Variants in NLRP2 observed in about 807,000 individuals in gnomAD.
NLRP2 encodes NACHT, LRR and PYD domains-containing protein 2.
A neutral mutation model predicts 97.2 loss-of-function variants in NLRP2; 107 were observed. The observed-to-expected ratio is 1.10, with a 90% CI of 0.94 to 1.29. The LOEUF (loss-of-function observed/expected upper bound fraction) is 1.29, where lower values mean the gene tolerates loss of function less well. Among genes scored for constraint, NLRP2 ranks in the 50% most tolerant of loss-of-function variants. NLRP2 has a pLI of 0.00. For synonymous variants in NLRP2, 663 were observed against 551.5 expected, an observed-to-expected ratio of 1.20 and a Z score of -2.83; for missense variants, 1,495 against 1,330.3, an observed-to-expected ratio of 1.12 and a Z score of -1.93.
At chr19:54,966,564 G>C (rs1306748607) in intron 1 of NLRP2, 97 bp downstream of exon 1, 1 of 151,760 alleles carries the variant, frequency 6.6e-6, no homozygotes, top group Non-Finnish European at 1.5e-5. Context: ...TTTTTTTTCT[G>C]AGACGGAGTC....
rs2071788054 is a variant in NLRP2, at chr19:54,983,437, A to C, written c.1739A>C (p.Asp580Ala). 6.2e-7 allele frequency: 1 copy of C among 1,614,104 alleles called. No individual in the cohort carries two copies. Among genetic ancestry groups the C allele is most frequent in the Admixed American group, 1.7e-5 (1 of 59,984 alleles). The change falls in exon 6 of 13, where the codon GAC (aspartate) becomes GCC (alanine). Residue 580 changes from aspartate (D) to alanine (A), a missense_variant. Asp to Ala is a moderately radical substitution (Grantham distance 126, BLOSUM62 -2). Coordinates refer to ENST00000448584, the MANE Select transcript of NLRP2 (RefSeq NM_017852.5). ...ACTTTTGGCTGCCGGATGTCACCGG[A>C]CATCAAACAGGAATTGCTGCGATGC... The part of the protein sequence containing the change: ...EATFGCRMSP[D>A]IKQELLRCDI...
chr19:54,990,367 C>T (rs764052964), intron 9 of NLRP2, 135 bp from the exon 10 acceptor site: 11 of 1,112,262 alleles, frequency 9.9e-6, no homozygotes, highest in Non-Finnish European at 1.4e-5. Context: ...CCTATTCCTT[C>T]ATAGGATCAC....
At chr19:54,973,968 C>A in intron 2 of NLRP2, 1 of 1,060,364 alleles carries the variant, frequency 9.4e-7, no homozygotes, top group South Asian at 1.2e-5. Context: ...CAGACTAAGC[C>A]GATTTTCCGG....
At position 55,000,469 on chromosome 19, in the gene NLRP2, A is replaced by G. The variant is rs569150596; in HGVS notation, c.3051-291A>G. Among the ~76,000 whole-genome samples the G allele has an allele frequency of 7.6e-4, 115 of 150,492 alleles. No individual in the cohort carries two copies. In the South Asian group the frequency reaches 0.013, roughly 17 times the overall value. ...TTTTTTGTATTTTTTTAGTAGAGAC[A>G]GGGTTTCACCGTGTTAGCCAGGATG... On this transcript the variant is annotated intron_variant, in intron 12 of 12. Transcript: ENST00000448584.
intron 3 of NLRP2, chr19:54,976,866 G>A: frequency 2.6e-6 from 1 of 389,150 alleles, no homozygotes; most frequent in Non-Finnish European, 4.8e-6. Context: ...CCAGGCTGAA[G>A]TGCAGTGGAG....
chr19:54,972,414 C>T (rs1602306705), intron 2 of NLRP2, among the ~76,000 whole-genome samples: 1 of 151,526 alleles, frequency 6.6e-6, no homozygotes, highest in South Asian at 2.1e-4. Flanking sequence ...AACTCCTGAC[C>T]ACGTGATCAA....
In NLRP2 at chr19:54,982,921, T is replaced by G; in HGVS notation, c.1223T>G (p.Leu408Arg). 6.2e-7 allele frequency: 1 copy of G among 1,613,052 alleles called. No homozygotes were observed. The highest frequency in any genetic ancestry group is 8.5e-7 in the Non-Finnish European group (1 of 1,180,030). ...PAVCWIVCTT[L>R]KLQMEKGEDP... ...GTGTGCTGGATCGTGTGCACGACTC[T>G]GAAGCTGCAGATGGAGAAGGGGGAG... Residue 408 changes from leucine (L) to arginine (R), a missense_variant, in exon 6 of 13, where the codon CTG (leucine) becomes CGG (arginine). By Grantham distance (102) the Leu-to-Arg change is moderately radical. Coordinates refer to ENST00000448584, the MANE Select transcript of NLRP2 (RefSeq NM_017852.5).
rs763411571 is a variant in NLRP2, at chr19:54,982,310, C to A, written c.612C>A (p.Pro204=). 2.5e-6 allele frequency: 4 copies of A among 1,614,106 alleles called. No homozygotes were observed. Among genetic ancestry groups the A allele is most frequent in the Non-Finnish European group, 3.4e-6 (4 of 1,180,026 alleles). Residue 204 remains proline (P), a synonymous_variant, in exon 6 of 13, where the codon CCC becomes CCA. Coordinates refer to ENST00000448584, the MANE Select transcript of NLRP2 (RefSeq NM_017852.5). ...PFSNPRVLPG[P]FSYTVVLYGP... ...GCAACCCCAGGGTGCTTCCCGGGCC[C>A]TTCTCATACACGGTGGTGCTGTATG...
At chr19:54,990,884 T>G in intron 10 of NLRP2, 1 of 603,706 alleles carries the variant, frequency 1.7e-6, no homozygotes, top group Non-Finnish European at 2.9e-6. Flanking sequence ...ATTTGGGGAA[T>G]GTAGCTGGTT....
At chr19:54,985,698 AG>A (rs367647173) in intron 7 of NLRP2, among the ~76,000 whole-genome samples, 21 of 142,416 alleles carry the variant, frequency 1.5e-4, no homozygotes, top group African/African-American at 4.1e-4. Context: ...AAAAAAAAAA[AG>A]AAAAAGAAAA....
chr19:54,983,797 C>T, intron 6 of NLRP2, 69 bp downstream of exon 6: 3 of 1,589,604 alleles, frequency 1.9e-6, no homozygotes, highest in African/African-American at 2.7e-5. Context: ...AGGAAGAGGC[C>T]AGAGCCTCCT....
At chr19:54,974,897 T>C (rs1054540515) in intron 3 of NLRP2, among the ~76,000 whole-genome samples, 3 of 151,962 alleles carry the variant, frequency 2.0e-5, no homozygotes, top group Non-Finnish European at 4.4e-5. Context: ...CCTCCTGGGT[T>C]CAAGCAGTTC....
At chr19:54,972,873 T>C (rs1403435639) in intron 2 of NLRP2, among the ~76,000 whole-genome samples, 1 of 152,064 alleles carries the variant, frequency 6.6e-6, no homozygotes. Context: ...TATGAGATTG[T>C]TGGGACCCCA....
At chr19:54,972,609 C>T (rs896087360) in intron 2 of NLRP2, among the ~76,000 whole-genome samples, 2 of 151,822 alleles carry the variant, frequency 1.3e-5, no homozygotes, top group Admixed American at 6.6e-5. Context: ...CACCACACCT[C>T]GCTCATTCTT....
At chr19:54,978,057 A>AGTTTTT (rs749324557) in intron 4 of NLRP2, among the ~76,000 whole-genome samples, 30 of 151,972 alleles carry the variant, frequency 2.0e-4, no homozygotes, top group Admixed American at 3.3e-4. Flanking sequence ...CAGCGCAGAG[A>AGTTTTT]GTTTTTGTTT....
rs150209982 is a variant in NLRP2 at position 54,984,433 on chromosome 19, C to T, written c.2031-614C>T. 2.6e-4 allele frequency among the ~76,000 whole-genome samples: 36 copies of T among 138,364 alleles called. 1 individual carries two copies. The highest frequency in any genetic ancestry group is 4.6e-4 in the Admixed American group (6 of 13,144). The allele number at this position is 138,364 out of a possible 152,430, so 90.8% of individuals were successfully genotyped here. On this transcript the variant is annotated intron_variant, in intron 6 of 12. Coordinates refer to ENST00000448584, the MANE Select transcript of NLRP2 (RefSeq NM_017852.5). Reference sequence around the variant, plus strand: ...GAGATTACAGGCATGAGTTACCACACGCCCTGCCTGAATATTTCTTATTGA... The same window carrying T: ...GAGATTACAGGCATGAGTTACCACATGCCCTGCCTGAATATTTCTTATTGA...
At chr19:54,974,197 T>C in intron 2 of NLRP2, 1 of 580,540 alleles carries the variant, frequency 1.7e-6, no homozygotes, top group Non-Finnish European at 3.1e-6. Flanking sequence ...CTACTAAAAA[T>C]ACAAAACTTA....
intron 2 of NLRP2, among the ~76,000 whole-genome samples, chr19:54,971,995 A>ATTTTTTTTTTTTTTTTTTTT (rs61335843): frequency 2.6e-5 from 3 of 116,388 alleles, no homozygotes; most frequent in Non-Finnish European, 1.7e-5. Context: ...TGCCTGGCTG[A>ATTTTTTTTTTTTTTTTTTTT]TTTTTTTTTT....
chr19:54,986,534 A>G, intron 8 of NLRP2: 1 of 592,840 alleles, frequency 1.7e-6, no homozygotes, highest in Non-Finnish European at 3.0e-6. Flanking sequence ...GAATCCAAAG[A>G]AACTCCCAGA....
Sources: allele counts gnomAD v4.1 joint callset (sites outside exome capture counted in the v4.1 genomes callset), GRCh38; gene constraint gnomAD v4.1.1; transcripts MANE v1.5; gene names NCBI Gene and HGNC (gene_info 2026-07-23, HGNC 2026-07-21).